Variants in SUN3 observed in about 807,000 individuals in gnomAD.
The protein encoded by SUN3 is Sad1 and UNC84 domain containing 3.
In SUN3, 36 loss-of-function variants were observed where a neutral mutation model predicts 48.2. The observed-to-expected ratio is 0.75, with a 90% CI of 0.57 to 0.99. The LOEUF (loss-of-function observed/expected upper bound fraction) is 0.99. Among genes scored for constraint, SUN3 ranks in the 50% least tolerant of loss-of-function variants. The pLI, the probability that SUN3 is intolerant of heterozygous loss-of-function variation, is 0.00. For missense variants in SUN3, 419 were observed against 433.1 expected (o/e 0.97, Z 0.29); for synonymous variants, 148 against 147.9 (o/e 1.00, Z 0.00).
chr7:47,990,070 C>G (rs1192323728), intron 8 of SUN3, among the ~76,000 whole-genome samples: 1 of 152,134 alleles, frequency 6.6e-6, no homozygotes, highest in Non-Finnish European at 1.5e-5. Context: ...AAGACCTGAC[C>G]ATCCCCCAGC....
chr7:47,995,642 C>A (rs1789190022), intron 7 of SUN3, among the ~76,000 whole-genome samples: 1 of 152,124 alleles, frequency 6.6e-6, no homozygotes, highest in Non-Finnish European at 1.5e-5. Flanking sequence ...CTGAATAGCA[C>A]TTAACATAGT....
At chr7:48,019,977 C>CAAAAAAAA (rs869166401) in intron 2 of SUN3, among the ~76,000 whole-genome samples, 671 of 63,496 alleles carry the variant, frequency 0.011, no homozygotes, top group Non-Finnish European at 0.018. Context: ...AAAGACACAT[C>CAAAAAAAA]AAAAAAAAAA....
rs370388843 is a variant in SUN3 at position 48,009,065 on chromosome 7, C to T, written c.299G>A (p.Arg100His). The T allele has an allele frequency of 4.3e-5, 70 of 1,612,000 alleles. No homozygotes were observed. In the African/African-American group the frequency reaches 7.5e-4, roughly 17 times the overall value. ...AAGTTCCAGTTGCTCTTTAGGCATA[C>T]GAAGTCTGGCCTGAAAACAACAGAA... is the stretch of plus-strand genomic sequence containing the variant. ...SRLYKYQARL[R>H]MPKEQLELLK... Residue 100 changes from arginine to histidine, a missense_variant, in exon 4 of 10, where the codon CGT (arginine) becomes CAT (histidine). Physicochemically the swap from Arg to His is conservative, Grantham distance 29. Transcript: ENST00000297325.
Position 47,987,448 on chromosome 7 carries a change from T to C in SUN3, c.956A>G (p.His319Arg), listed in dbSNP as rs201441279. ...GTTVQTFELQ[H>R]AVSEYLLCVK... ...ACATAATAAATATTCAGAAACTGCA[T>C]GCTGAAAATAAAGAAAAGAAAATCA... Residue 319 changes from histidine (H) to arginine (R), a missense_variant and splice_region_variant, in exon 10 of 10, where the codon CAT becomes CGT. Transcript: ENST00000297325. The C allele has an allele frequency of 4.6e-5, 72 of 1,557,046 alleles. No homozygotes were observed. The Middle Eastern group carries it at 6.9e-4, about 15-fold the overall frequency.
chr7:48,021,425 AAAG>A (rs2128782510), intron 2 of SUN3, among the ~76,000 whole-genome samples: 1 of 152,160 alleles, frequency 6.6e-6, no homozygotes, highest in South Asian at 2.1e-4. Flanking sequence ...TCACAGCTAA[AAAG>A]CTTCTGACAG....
intron 6 of SUN3, among the ~76,000 whole-genome samples, chr7:47,997,186 AAGAC>A (rs571180188): frequency 2.2e-4 from 34 of 152,358 alleles, no homozygotes; most frequent in Admixed American, 1.9e-3. Context: ...ATAAAAATAA[AAGAC>A]AGCCATTTAA....
the SUN3 span, chr7:48,035,513 T>A: frequency 8.0e-5 from 56 of 696,322 alleles, no homozygotes; most frequent in African/African-American, 9.2e-4. This position sits in a 1 kb window ranked among gnomAD's most constrained non-coding sequence, Gnocchi z 4.0. Flanking sequence ...GCGACGCCGA[T>A]GTTGTGGTTC....
intron 9 of SUN3, 75 bp downstream of exon 9, chr7:47,988,713 C>A: frequency 2.3e-6 from 2 of 860,002 alleles, no homozygotes; most frequent in Non-Finnish European, 3.6e-6. Context: ...TCATACGTCA[C>A]TTTACATGAA....
At chr7:48,026,063 G>A (rs1790125956) in intron 1 of SUN3, 125 bp from the exon 2 acceptor site, 2 of 648,968 alleles carry the variant, frequency 3.1e-6, no homozygotes, top group South Asian at 1.9e-5. Flanking sequence ...TCTAGGTTGA[G>A]TCTATGAATT....
intron 8 of SUN3, among the ~76,000 whole-genome samples, chr7:47,990,536 C>G (rs6950051): frequency 6.6e-6 from 1 of 150,982 alleles, no homozygotes; most frequent in African/African-American, 2.4e-5. Context: ...TGGGCCCACT[C>G]TTCTTTCTCT....
chr7:47,991,841 G>A (rs1789073386), intron 8 of SUN3, among the ~76,000 whole-genome samples: 1 of 152,106 alleles, frequency 6.6e-6, no homozygotes, highest in Admixed American at 6.6e-5. Flanking sequence ...CTGCGGCTTA[G>A]CTAACAGTCA....
intron 6 of SUN3, among the ~76,000 whole-genome samples, chr7:47,998,074 A>G (rs1789260665): frequency 1.3e-5 from 2 of 152,228 alleles, no homozygotes; most frequent in South Asian, 2.1e-4. Context: ...GTTTCAATTT[A>G]TCTTAGATAA....
chr7:48,008,538 A>T (rs189426020), intron 4 of SUN3, among the ~76,000 whole-genome samples: 12 of 152,382 alleles, frequency 7.9e-5, no homozygotes, highest in Admixed American at 2.6e-4. Context: ...TAGTTATCAT[A>T]AATGACATGG....
At chr7:48,001,963 TG>T (rs1196450881) in intron 6 of SUN3, among the ~76,000 whole-genome samples, 2 of 152,314 alleles carry the variant, frequency 1.3e-5, no homozygotes, top group East Asian at 3.9e-4. Context: ...ATGGTATTTT[TG>T]TCTTTAGGTC....
At chr7:47,991,286 G>GT (rs34878792) in intron 8 of SUN3, among the ~76,000 whole-genome samples, 60,264 of 151,914 alleles carry the variant, frequency 0.4, 12,055 homozygotes, top group Middle Eastern at 0.47. Context: ...ATGAGAAGCA[G>GT]TTTTTATTAC....
At chr7:48,021,912 A>T (rs1279219021) in intron 2 of SUN3, among the ~76,000 whole-genome samples, 2 of 152,168 alleles carry the variant, frequency 1.3e-5, no homozygotes, top group African/African-American at 2.4e-5. Context: ...CAGCAGTCCT[A>T]CTGTTGGGCA....
At chr7:48,029,969 C>G (rs1425141976), upstream of SUN3, among the ~76,000 whole-genome samples, 1 of 152,060 alleles carries the variant, frequency 6.6e-6, no homozygotes, top group Non-Finnish European at 1.5e-5. Context: ...AGGTTTGATA[C>G]TAGTTTTTGT....
At chr7:47,991,682 G>A (rs532907793) in intron 8 of SUN3, among the ~76,000 whole-genome samples, 1 of 152,252 alleles carries the variant, frequency 6.6e-6, no homozygotes, top group African/African-American at 2.4e-5. Context: ...GGCGCCTGGA[G>A]AGAAAGAACA....
chr7:48,024,036 C>A (rs1790069838), intron 2 of SUN3, among the ~76,000 whole-genome samples: 2 of 151,748 alleles, frequency 1.3e-5, no homozygotes, highest in South Asian at 4.2e-4. Flanking sequence ...TTCCACATGC[C>A]AAAAAATGAA....
Sources: allele counts gnomAD v4.1 joint callset (sites outside exome capture counted in the v4.1 genomes callset), GRCh38; gene constraint gnomAD v4.1.1; non-coding constraint Gnocchi (gnomAD v3.1); transcripts MANE v1.5; gene names NCBI Gene and HGNC (gene_info 2026-07-23, HGNC 2026-07-21).